Variants in DNAJC1 observed in about 807,000 individuals in gnomAD.
DNAJC1 encodes DnaJ heat shock protein family (Hsp40) member C1.
In DNAJC1, 58 loss-of-function variants were observed where a neutral mutation model predicts 76.6. The ratio of observed to expected loss-of-function variants is 0.76; its 90% CI spans 0.61 to 0.94. DNAJC1 has a LOEUF of 0.94. Among genes scored for constraint, DNAJC1 ranks in the 40% least tolerant of loss-of-function variants. DNAJC1 has a pLI of 0.00. For synonymous variants in DNAJC1, 258 were observed against 267.9 expected (o/e 0.96, Z 0.36); for missense variants, 689 against 677.3 (o/e 1.02, Z -0.19).
At chr10:21,813,456 C>T (rs1016321194) in intron 8 of DNAJC1, among the ~76,000 whole-genome samples, 25 of 150,126 alleles carry the variant, frequency 1.7e-4, no homozygotes, top group African/African-American at 4.9e-4. Flanking sequence ...AGTGCAGTAG[C>T]GCAATTTCAG....
intron 8 of DNAJC1, among the ~76,000 whole-genome samples, chr10:21,819,547 T>G (rs1321935437): frequency 3.3e-5 from 5 of 152,184 alleles, no homozygotes; most frequent in Non-Finnish European, 7.3e-5. Context: ...GAGGTGGCCT[T>G]TAGAAGTTAT....
intron 8 of DNAJC1, among the ~76,000 whole-genome samples, chr10:21,877,297 TAC>T (rs1425749400): frequency 1.7e-5 from 1 of 57,250 alleles, no homozygotes; most frequent in Non-Finnish European, 3.0e-5. Context: ...CATATATATA[TAC>T]ATATATATAT....
At chr10:21,853,116 T>C (rs958335475) in intron 8 of DNAJC1, among the ~76,000 whole-genome samples, 1 of 152,216 alleles carries the variant, frequency 6.6e-6, no homozygotes, top group Non-Finnish European at 1.5e-5. Flanking sequence ...TAAAATAATC[T>C]AAACTTCTTA....
At chr10:21,781,415 A>G (rs1834525440) in intron 9 of DNAJC1, among the ~76,000 whole-genome samples, 1 of 152,216 alleles carries the variant, frequency 6.6e-6, no homozygotes, top group African/African-American at 2.4e-5. Context: ...CAATCAAACT[A>G]GAACTCAGGA....
chr10:21,832,437 T>C (rs1590001443), intron 8 of DNAJC1, among the ~76,000 whole-genome samples: 3 of 152,342 alleles, frequency 2.0e-5, no homozygotes, highest in African/African-American at 7.2e-5. Context: ...GTATGTCCCA[T>C]TTGCATCATA....
At chr10:21,941,922 C>A (rs147611024) in intron 1 of DNAJC1, among the ~76,000 whole-genome samples, 1 of 151,920 alleles carries the variant, frequency 6.6e-6, no homozygotes, top group Non-Finnish European at 1.5e-5. Flanking sequence ...GAGAAGGTAA[C>A]CACTATGTAA....
intron 8 of DNAJC1, among the ~76,000 whole-genome samples, chr10:21,848,834 C>T (rs777759376): frequency 4.6e-5 from 7 of 151,984 alleles, no homozygotes; most frequent in South Asian, 2.1e-4. Flanking sequence ...AGAAGAAAAA[C>T]GAGAAAACTC....
chr10:21,882,386 C>T lies in DNAJC1; in HGVS notation c.874G>A (p.Glu292Lys). ...KPEFPVYTPLETTYIQSYDHG... is the reference protein window; with the variant it reads ...KPEFPVYTPLKTTYIQSYDHG... ...TCATAAGACTGAATATATGTAGTTT[C>T]TAAAGGTGTGTATACAGGAAATTCA... is the stretch of plus-strand genomic sequence containing the variant. The change falls in exon 8 of 12, where the codon GAA becomes AAA. Residue 292 changes from glutamate to lysine, a missense_variant. Transcript: ENST00000376980. 6.3e-7 allele frequency: 1 copy of T among 1,589,398 alleles called. No homozygotes were observed. Among genetic ancestry groups the T allele is most frequent in the Non-Finnish European group, 8.5e-7 (1 of 1,171,184 alleles).
chr10:21,849,545 G>A (rs1175169489), intron 8 of DNAJC1, among the ~76,000 whole-genome samples: 2 of 151,904 alleles, frequency 1.3e-5, no homozygotes, highest in East Asian at 3.9e-4. Flanking sequence ...GAGGGGAGAT[G>A]CAAATAACTC....
intron 7 of DNAJC1, among the ~76,000 whole-genome samples, chr10:21,902,531 C>T (rs1320199848): frequency 2.0e-5 from 3 of 152,188 alleles, no homozygotes; most frequent in African/African-American, 7.2e-5. Context: ...TCTCGAACTC[C>T]TGACCTCTGG....
Position 21,790,496 on chromosome 10 carries a change from T to C in DNAJC1, c.1098+15484A>G, listed in dbSNP as rs1834671092. 3.0e-5 allele frequency among the ~76,000 whole-genome samples: 4 copies of C among 131,326 alleles called. 1 individual carries two copies. The Admixed American group carries it at 3.2e-4, about 11-fold the overall frequency. The allele number at this position is 131,326 out of a possible 152,430, so 86.2% of individuals were successfully genotyped here. ...CAAGCTACAAAAGAATGAAACAATG[T>C]ATTCAATAAATTGCCAAAAAAAAAA... On this transcript the variant is annotated intron_variant, in intron 9 of 11. Transcript: ENST00000376980.
intron 1 of DNAJC1, among the ~76,000 whole-genome samples, chr10:21,963,275 C>T (rs1026052460): frequency 6.6e-6 from 1 of 152,178 alleles, no homozygotes; most frequent in Non-Finnish European, 1.5e-5. Flanking sequence ...GAATCCCAAA[C>T]TTACCAAGGT....
chr10:21,988,483 A>G (rs951215783), intron 1 of DNAJC1, among the ~76,000 whole-genome samples: 1 of 152,172 alleles, frequency 6.6e-6, no homozygotes, highest in Non-Finnish European at 1.5e-5. Flanking sequence ...ATAAATTTGA[A>G]TTACATATTT....
intron 7 of DNAJC1, among the ~76,000 whole-genome samples, chr10:21,885,891 C>A (rs763111958): frequency 2.6e-5 from 4 of 152,038 alleles, no homozygotes; most frequent in Admixed American, 2.0e-4. Flanking sequence ...TCAGAAAGAT[C>A]TCAAATTAAC....
intron 1 of DNAJC1, among the ~76,000 whole-genome samples, chr10:21,966,028 T>C (rs922371147): frequency 6.6e-6 from 1 of 152,204 alleles, no homozygotes; most frequent in African/African-American, 2.4e-5. Flanking sequence ...TCTTCAGTCT[T>C]TCTTGTGTTT....
At chr10:21,883,251 A>AAGACACAC (rs1836311185) in intron 7 of DNAJC1, among the ~76,000 whole-genome samples, 1 of 128,956 alleles carries the variant, frequency 7.8e-6, no homozygotes, top group East Asian at 2.5e-4. Flanking sequence ...TTCTATCTCA[A>AAGACACAC]ACACACACAC....
intron 8 of DNAJC1, among the ~76,000 whole-genome samples, chr10:21,853,208 A>T (rs1290946894): frequency 1.3e-5 from 2 of 152,162 alleles, no homozygotes; most frequent in African/African-American, 4.8e-5. Context: ...GCCATGTTCC[A>T]GAAGTCATTC....
At chr10:21,911,396 A>G (rs2131755630) in intron 6 of DNAJC1, among the ~76,000 whole-genome samples, 1 of 151,990 alleles carries the variant, frequency 6.6e-6, no homozygotes, top group East Asian at 1.9e-4. Flanking sequence ...TAATCTCAGA[A>G]TTACATATAA....
chr10:21,940,920 A>C (rs574946089), intron 1 of DNAJC1, among the ~76,000 whole-genome samples: 1 of 151,976 alleles, frequency 6.6e-6, no homozygotes, highest in Admixed American at 6.6e-5. Context: ...GGAGAAAGAG[A>C]GAGAGGACAG....
Sources: allele counts gnomAD v4.1 joint callset (sites outside exome capture counted in the v4.1 genomes callset), GRCh38; gene constraint gnomAD v4.1.1; transcripts MANE v1.5; gene names NCBI Gene and HGNC (gene_info 2026-07-23, HGNC 2026-07-21).